Variants in FAF1 observed in about 807,000 individuals in gnomAD.
FAF1 encodes the protein Fas associated factor 1.
In FAF1, 25 loss-of-function variants were observed where a neutral mutation model predicts 92.5. The ratio of observed to expected loss-of-function variants is 0.27; its 90% CI spans 0.20 to 0.38. FAF1 has a LOEUF of 0.38. FAF1 is among the 10% of genes least tolerant of loss of function. The pLI is 1.00. For synonymous variants in FAF1, 234 were observed against 273.2 expected (o/e 0.86, Z 1.42); for missense variants, 636 against 793.3 (o/e 0.80, Z 2.38).
chr1:50,867,641 C>T (rs1644493270), intron 1 of FAF1, among the ~76,000 whole-genome samples: 1 of 152,136 alleles, frequency 6.6e-6, no homozygotes, highest in Admixed American at 6.5e-5. Flanking sequence ...TACCACTTTA[C>T]TCTTGCAAGA....
At chr1:50,956,909 T>C (rs931840172) in intron 1 of FAF1, among the ~76,000 whole-genome samples, 2 of 152,096 alleles carry the variant, frequency 1.3e-5, no homozygotes, top group African/African-American at 4.8e-5. Context: ...GATCATGCCA[T>C]TGCACTCCAG....
intron 1 of FAF1, among the ~76,000 whole-genome samples, chr1:50,925,921 G>A (rs1645002976): frequency 6.6e-6 from 1 of 152,206 alleles, no homozygotes; most frequent in African/African-American, 2.4e-5. Flanking sequence ...CCATGAAAAA[G>A]AATGGAATTG....
chr1:50,903,481 G>A (rs1420967256), intron 1 of FAF1, among the ~76,000 whole-genome samples: 1 of 152,056 alleles, frequency 6.6e-6, no homozygotes, highest in African/African-American at 2.4e-5. Flanking sequence ...GGTAATAAAT[G>A]TCTTTCAAAG....
intron 4 of FAF1, among the ~76,000 whole-genome samples, chr1:50,748,491 C>CAAAAAAAAAAAAAAGAAAAGAAA (rs1659718936): frequency 7.8e-6 from 1 of 127,676 alleles, no homozygotes. Flanking sequence ...AACTCTGTCT[C>CAAAAAAAAAAAAAAGAAAAGAAA]AAAAAAAAAA....
chr1:50,476,458 G>A lies in FAF1; in HGVS notation c.1654-779C>T, dbSNP rs199851235. Among the ~76,000 whole-genome samples the A allele has an allele frequency of 5.9e-5, 9 of 152,278 alleles. No homozygotes were observed. In the East Asian group the frequency reaches 1.7e-3, roughly 29 times the overall value. On this transcript the variant is annotated intron_variant, in intron 17 of 18. Transcript: ENST00000396153. ...CCTTCATTTGACTTAAGCAGGTGAA[G>A]CAAACTGTTGGAAGGTCTCATGGCT...
At chr1:50,691,992 G>A (rs536367289) in intron 7 of FAF1, among the ~76,000 whole-genome samples, 17 of 152,276 alleles carry the variant, frequency 1.1e-4, no homozygotes, top group African/African-American at 3.4e-4. Flanking sequence ...CAGGCGGGCA[G>A]ATCACTTGAG....
chr1:50,869,665 T>C (rs1644510824), intron 1 of FAF1, among the ~76,000 whole-genome samples: 1 of 152,212 alleles, frequency 6.6e-6, no homozygotes, highest in Non-Finnish European at 1.5e-5. Flanking sequence ...TGATTTACTT[T>C]ATCTTCTATA....
chr1:50,536,880 GA>G (rs1362968814), intron 14 of FAF1, among the ~76,000 whole-genome samples: 4 of 152,170 alleles, frequency 2.6e-5, no homozygotes, highest in Non-Finnish European at 4.4e-5. Context: ...AGTGTTCTTA[GA>G]AGGAGTGGAG....
At chr1:50,586,121 A>AT (rs1651220833) in intron 9 of FAF1, among the ~76,000 whole-genome samples, 1 of 152,132 alleles carries the variant, frequency 6.6e-6, no homozygotes, top group South Asian at 2.1e-4. Flanking sequence ...TGAATCATAG[A>AT]TTTTAAAGCT....
chr1:50,821,014 C>T (rs1243640865), intron 2 of FAF1, among the ~76,000 whole-genome samples: 1 of 152,124 alleles, frequency 6.6e-6, no homozygotes, highest in African/African-American at 2.4e-5. Context: ...AAAGTAATTG[C>T]GGTTTTTGCC....
rs961203962 is a variant in FAF1, at chr1:50,595,795, G to A, written c.840+326C>T. ...TGGCCTCATGTGCTCTGCCTGTCTC[G>A]GCCATCCAAAGTGCTGGGATTACAG... On this transcript the variant is annotated intron_variant, in intron 9 of 18. Transcript: ENST00000396153. Among the ~76,000 whole-genome samples the A allele has an allele frequency of 2.5e-4, 38 of 151,972 alleles. 1 individual carries two copies. Among genetic ancestry groups the A allele is most frequent in the Admixed American group, 2.2e-3 (33 of 15,246 alleles).
intron 8 of FAF1, among the ~76,000 whole-genome samples, chr1:50,607,897 G>C (rs895497482): frequency 2.0e-5 from 3 of 152,212 alleles, no homozygotes; most frequent in African/African-American, 7.2e-5. Context: ...CAGGGCAGGC[G>C]AGTCCCAAAA....
intron 15 of FAF1, among the ~76,000 whole-genome samples, chr1:50,528,948 C>G (rs953514494): frequency 3.9e-5 from 6 of 152,162 alleles, no homozygotes; most frequent in African/African-American, 1.4e-4. Context: ...TTTTATTTCT[C>G]TAGTTCACTT....
At chr1:50,808,087 T>C (rs191619159) in intron 2 of FAF1, among the ~76,000 whole-genome samples, 174 of 152,052 alleles carry the variant, frequency 1.1e-3, no homozygotes, top group South Asian at 2.1e-3. Flanking sequence ...CCAGAAGAGA[T>C]TGAGGGATTA....
At chr1:50,589,349 C>A (rs1043189112) in intron 9 of FAF1, among the ~76,000 whole-genome samples, 2 of 151,940 alleles carry the variant, frequency 1.3e-5, no homozygotes, top group Non-Finnish European at 2.9e-5. Context: ...ACGAAGTCTG[C>A]TGAGGAGGGA....
At chr1:50,881,958 T>C (rs936772584) in intron 1 of FAF1, among the ~76,000 whole-genome samples, 5 of 152,218 alleles carry the variant, frequency 3.3e-5, no homozygotes, top group Non-Finnish European at 7.3e-5. Flanking sequence ...TGCTCTTCAG[T>C]TGATGTATTT....
At chr1:50,941,353 G>A (rs1645131293) in intron 1 of FAF1, among the ~76,000 whole-genome samples, 1 of 152,026 alleles carries the variant, frequency 6.6e-6, no homozygotes. Context: ...GAGACTACAG[G>A]TGCCAGCCAC....
intron 7 of FAF1, among the ~76,000 whole-genome samples, chr1:50,686,974 G>A (rs965006723): frequency 2.0e-5 from 3 of 151,906 alleles, no homozygotes; most frequent in African/African-American, 4.8e-5. Context: ...GATTACAGGC[G>A]CATGCCACCA....
intron 6 of FAF1, among the ~76,000 whole-genome samples, chr1:50,728,124 A>C (rs1268118157): frequency 6.6e-6 from 1 of 152,164 alleles, no homozygotes; most frequent in Non-Finnish European, 1.5e-5. Context: ...AATTACTAAT[A>C]TCACTAATAT....
Sources: allele counts gnomAD v4.1 joint callset (sites outside exome capture counted in the v4.1 genomes callset), GRCh38; gene constraint gnomAD v4.1.1; transcripts MANE v1.5; gene names NCBI Gene and HGNC (gene_info 2026-07-23, HGNC 2026-07-21).